KCNN4: variants seen among roughly 807,000 people sequenced by gnomAD.
The protein encoded by KCNN4 is potassium calcium-activated channel subfamily N member 4, also known as intermediate conductance calcium-activated potassium channel protein 4.
A neutral mutation model predicts 45.2 loss-of-function variants in KCNN4; 31 were observed. The ratio of observed to expected loss-of-function variants is 0.69; its 90% CI spans 0.52 to 0.92. The LOEUF (loss-of-function observed/expected upper bound fraction) is 0.92, where lower values mean the gene tolerates loss of function less well. KCNN4 is among the 40% of genes least tolerant of loss of function. The pLI, the probability that KCNN4 is intolerant of heterozygous loss-of-function variation, is 0.00. For missense variants in KCNN4, 463 were observed against 574.0 expected (o/e 0.81, Z 1.98); for synonymous variants, 231 against 254.6 (o/e 0.91, Z 0.88).
rs75591006 is a variant in KCNN4 at position 43,776,632 on chromosome 19, G to A, written c.164C>T (p.Ala55Val). The change falls in exon 2 of 9, where the codon GCG (alanine) becomes GTG (valine). Residue 55 changes from alanine to valine, a missense_variant. By Grantham distance (64) the Ala-to-Val change is moderately conservative. Around this residue, in one of 3 missense-constraint regions of KCNN4, gnomAD observed 225 missense variants for 240.9 expected, o/e 0.93. Coordinates refer to ENST00000648319, the MANE Select transcript of KCNN4 (RefSeq NM_002250.3). ...EMLWFGGCSW[A>V]LYLFLVKCTI... ...GCATTTAACCAGGAACAGGTAGAGC[G>A]CCCACTGTCAGGGGGGACGGAAAAA... The A allele has an allele frequency of 8.9e-5, 143 of 1,610,566 alleles. 1 individual carries two copies. The highest frequency in any genetic ancestry group is 4.5e-4 in the Admixed American group (27 of 60,016).
rs1456734186 is a variant in KCNN4, at chr19:43,777,310, T to TGTGTGTGTGTGG, written c.160-675_160-674insCCACACACACAC. 3.8e-3 allele frequency among the ~76,000 whole-genome samples: 561 copies of TGTGTGTGTGTGG among 148,870 alleles called. 6 individuals carry two copies. Among genetic ancestry groups the TGTGTGTGTGTGG allele is most frequent in the African/African-American group, 0.013 (536 of 40,272 alleles). On this transcript the variant is annotated intron_variant, in intron 1 of 8. Transcript: ENST00000648319. ...AAATAGTTCTTCAGGTGTGTGTGTG[T>TGTGTGTGTGTGG]GTGTGTGTGTGTGTGGGTGTGTGTG...
At chr19:43,779,906 G>A (rs780598395) in intron 1 of KCNN4, among the ~76,000 whole-genome samples, 2 of 152,132 alleles carry the variant, frequency 1.3e-5, no homozygotes, top group Admixed American at 1.3e-4. Flanking sequence ...AATTGAGCTT[G>A]TTAACAGTGG....
intron 1 of KCNN4, 30 bp downstream of exon 1, chr19:43,780,672 TC>T: frequency 7.4e-7 from 1 of 1,353,686 alleles, no homozygotes; most frequent in South Asian, 1.2e-5. Flanking sequence ...GACCTAGGAG[TC>T]CCAGCTCCCA....
In KCNN4 at chr19:43,766,703, G is replaced by C. The variant is rs202079379; in HGVS notation, c.*390C>G. On this transcript the variant is annotated 3_prime_UTR_variant, in exon 9 of 9. Transcript: ENST00000648319. Reference sequence around the variant, plus strand: ...AGCCTCATACCCAGTTCTTCAGCTCGGCCAGCGGTAACTGAAGCCTCCCAG... The same window carrying C: ...AGCCTCATACCCAGTTCTTCAGCTCCGCCAGCGGTAACTGAAGCCTCCCAG... 6 of 152,686 alleles carry C rather than the reference G, an allele frequency of 3.9e-5. No individual in the cohort carries two copies. Among genetic ancestry groups the C allele is most frequent in the South Asian group, 2.1e-4 (1 of 4,814 alleles). 9.5% of individuals were successfully genotyped at this position (152,686 alleles called of 1,614,324 possible).
chr19:43,776,959 G>A (rs750632635), intron 1 of KCNN4: 8 of 238,714 alleles, frequency 3.4e-5, no homozygotes, highest in Non-Finnish European at 5.9e-5. Flanking sequence ...TTAGCTGGGT[G>A]TGTAATCCCA....
chr19:43,777,673 T>TC (rs200380818), intron 1 of KCNN4, among the ~76,000 whole-genome samples: 1 of 67,848 alleles, frequency 1.5e-5, no homozygotes, highest in Non-Finnish European at 3.7e-5. Context: ...AAATTGTTCC[T>TC]TTTTTTTTTT....
intron 3 of KCNN4, among the ~76,000 whole-genome samples, chr19:43,773,116 C>T (rs752270179): frequency 6.6e-6 from 1 of 152,180 alleles, no homozygotes; most frequent in Admixed American, 6.5e-5. Context: ...CTGGGCAACA[C>T]GGTAACGTGG....
chr19:43,778,115 C>A (rs1026911739), intron 1 of KCNN4, among the ~76,000 whole-genome samples: 1 of 152,326 alleles, frequency 6.6e-6, no homozygotes, highest in South Asian at 2.1e-4. Context: ...TCTACTTTTC[C>A]ATTTCCTCTT....
intron 1 of KCNN4, among the ~76,000 whole-genome samples, chr19:43,780,204 TC>T (rs761612328): frequency 6.6e-6 from 1 of 151,956 alleles, no homozygotes; most frequent in Non-Finnish European, 1.5e-5. Context: ...CCTCTGGCCG[TC>T]TAATGGCAAC....
In KCNN4 at chr19:43,776,652, G is replaced by T. The variant is rs1211361642; in HGVS notation, c.160-16C>A. On this transcript the variant is annotated splice_polypyrimidine_tract_variant and intron_variant, in intron 1 of 8. Transcript: ENST00000648319. ...AGAGCGCCCACTGTCAGGGGGGACG[G>T]AAAAAGCGGTGTGAGATCCCAGGTC... The T allele has an allele frequency of 1.3e-6, 2 of 1,565,302 alleles. No homozygotes were observed. Among genetic ancestry groups the T allele is most frequent in the Admixed American group, 1.7e-5 (1 of 59,862 alleles).
chr19:43,776,319 A>AG (rs560653281), intron 2 of KCNN4, among the ~76,000 whole-genome samples: 122 of 143,652 alleles, frequency 8.5e-4, no homozygotes, highest in Admixed American at 3.2e-3. Context: ...TGAGTGTGCA[A>AG]GGGGGGGCTG....
chr19:43,774,093 G>C lies in KCNN4; in HGVS notation c.683+99C>G. 8.0e-7 allele frequency: 1 copy of C among 1,256,516 alleles called. No homozygotes were observed. The highest frequency in any genetic ancestry group is 1.1e-6 in the Non-Finnish European group (1 of 911,838). The allele number at this position is 1,256,516 out of a possible 1,614,324, so 77.8% of individuals were successfully genotyped here. A position where few individuals can be genotyped will look rare whatever the true frequency, so the allele number is the denominator to read the frequency against. ...GGTCAAAGTGTGAACTTTCTCCACTGCTTGGTCCTAGGGGGCCTCAACCTG... is the reference window on the plus strand; with the variant it reads ...GGTCAAAGTGTGAACTTTCTCCACTCCTTGGTCCTAGGGGGCCTCAACCTG... On this transcript the variant is annotated intron_variant, in intron 3 of 8. Coordinates refer to ENST00000648319, the MANE Select transcript of KCNN4 (RefSeq NM_002250.3). The surrounding 1 kb of genome is among the most constrained non-coding windows in gnomAD (Gnocchi z 5.6).
At chr19:43,767,749 G>T in intron 7 of KCNN4, 42 bp from the exon 8 acceptor site, 1 of 1,610,974 alleles carries the variant, frequency 6.2e-7, no homozygotes. Flanking sequence ...GGCTGGGGTC[G>T]ACCCCCACCT....
At chr19:43,770,695 T>C (rs781544262) in intron 4 of KCNN4, among the ~76,000 whole-genome samples, 1 of 152,080 alleles carries the variant, frequency 6.6e-6, no homozygotes, top group Non-Finnish European at 1.5e-5. Context: ...GGTTACTAGG[T>C]GGATTTCATG....
chr19:43,767,884 G>A (rs1969527780), intron 7 of KCNN4, among the ~76,000 whole-genome samples, 177 bp from the exon 8 acceptor site: 1 of 152,168 alleles, frequency 6.6e-6, no homozygotes, highest in African/African-American at 2.4e-5. Context: ...CTGCCCAGGT[G>A]TTTCCCTATA....
intron 1 of KCNN4, among the ~76,000 whole-genome samples, chr19:43,777,917 C>T (rs1431887998): frequency 6.6e-6 from 1 of 152,212 alleles, no homozygotes; most frequent in African/African-American, 2.4e-5. Context: ...GGGAAGAGGG[C>T]CAGTTTCCTG....
rs376516339 is a variant in KCNN4, at chr19:43,774,652, G to A, written c.256-33C>T. ...TAGGGGGCCAAGAAGGGAGGGGTCA[G>A]GAGCAGGTCAGGCGCAGGTCAGGCG... On this transcript the variant is annotated intron_variant, in intron 2 of 8. Coordinates refer to ENST00000648319, the MANE Select transcript of KCNN4 (RefSeq NM_002250.3). This position sits in a 1 kb window ranked among gnomAD's most constrained non-coding sequence, Gnocchi z 5.6. The A allele has an allele frequency of 7.0e-5, 103 of 1,473,116 alleles. No homozygotes were observed. In the African/African-American group the frequency reaches 1.4e-3, roughly 20 times the overall value. 91.3% of individuals were successfully genotyped at this position (1,473,116 alleles called of 1,614,324 possible).
At chr19:43,780,455 A>AAG (rs1568396914) in intron 1 of KCNN4, among the ~76,000 whole-genome samples, 2 of 36,264 alleles carry the variant, frequency 5.5e-5, no homozygotes, top group African/African-American at 2.4e-4. Flanking sequence ...AGGAGTCCTG[A>AAG]CCCCCAGCCC....
At chr19:43,777,866 G>A (rs1262459437) in intron 1 of KCNN4, among the ~76,000 whole-genome samples, 1 of 152,188 alleles carries the variant, frequency 6.6e-6, no homozygotes, top group African/African-American at 2.4e-5. Context: ...TAAGAGGGCT[G>A]CCAGCTCCCC....
Sources: allele counts gnomAD v4.1 joint callset (sites outside exome capture counted in the v4.1 genomes callset), GRCh38; gene constraint gnomAD v4.1.1; regional missense constraint gnomAD v4.1.1; non-coding constraint Gnocchi (gnomAD v3.1); transcripts MANE v1.5; gene names NCBI Gene and HGNC (gene_info 2026-07-23, HGNC 2026-07-21).